The following INSL6 variants were observed in gnomAD, a reference collection of about 807,000 sequenced individuals.
INSL6 encodes the protein insulin-like peptide INSL6.
In INSL6, 16 loss-of-function variants were observed where a neutral mutation model predicts 9.4. The observed-to-expected ratio is 1.70, with a 90% CI of 1.15 to 2.59. The LOEUF is 2.59. Among genes scored for constraint, INSL6 ranks in the 30% most tolerant of loss-of-function variants. The probability of loss-of-function intolerance (pLI) is 0.00; values close to 1 mark genes in which losing one functional copy is unlikely to be tolerated. For synonymous variants in INSL6, 154 were observed against 96.9 expected, an observed-to-expected ratio of 1.59 and a Z score of -3.46; for missense variants, 391 against 257.3, an observed-to-expected ratio of 1.52 and a Z score of -3.56.
chr9:5,053,730 AT>A, the INSL6 span, among the ~76,000 whole-genome samples: 1 of 151,934 alleles, frequency 6.6e-6, no homozygotes, highest in Non-Finnish European at 1.5e-5. Context: ...GAGATTTTAC[AT>A]TTTATACGGG....
chr9:5,020,872 G>A, the INSL6 span, among the ~76,000 whole-genome samples: 1 of 152,250 alleles, frequency 6.6e-6, no homozygotes, highest in Admixed American at 6.5e-5. Context: ...GGGCTCCAGG[G>A]TAGGAGGCAT....
chr9:5,075,240 A>T, the INSL6 span, among the ~76,000 whole-genome samples: 1 of 152,238 alleles, frequency 6.6e-6, no homozygotes, highest in East Asian at 1.9e-4. Context: ...ACAGCAAGTT[A>T]TCCAGAAGAT....
the INSL6 span, among the ~76,000 whole-genome samples, chr9:5,048,302 C>T: frequency 3.2e-4 from 48 of 151,986 alleles, no homozygotes; most frequent in African/African-American, 8.9e-4. Flanking sequence ...CCACTACGCC[C>T]GGCTAATTTT....
chr9:5,077,679 G>C, the INSL6 span: 2 of 694,722 alleles, frequency 2.9e-6, no homozygotes, highest in Non-Finnish European at 4.4e-6. Context: ...TCTGTAATTG[G>C]ATGCCAATTC....
chr9:5,081,360 G>C, the INSL6 span, among the ~76,000 whole-genome samples: 3 of 150,842 alleles, frequency 2.0e-5, no homozygotes, highest in African/African-American at 7.3e-5. Flanking sequence ...TATTTGTTTT[G>C]CTTTGTTCTC....
At chr9:5,005,024 C>T in the INSL6 span, among the ~76,000 whole-genome samples, 1 of 148,082 alleles carries the variant, frequency 6.8e-6, no homozygotes, top group Non-Finnish European at 1.5e-5. Flanking sequence ...GCAAGTGATC[C>T]TCCTCCTTCA....
At chr9:5,012,580 G>A in the INSL6 span, among the ~76,000 whole-genome samples, 2 of 152,016 alleles carry the variant, frequency 1.3e-5, no homozygotes, top group South Asian at 2.1e-4. Context: ...TGGAGATCCC[G>A]AAATTATACC....
chr9:5,150,538 T>C (rs914579010), intron 2 of INSL6, among the ~76,000 whole-genome samples: 3 of 152,152 alleles, frequency 2.0e-5, no homozygotes, highest in Admixed American at 6.5e-5. Flanking sequence ...CATCTTACAC[T>C]AGTCAGAATG....
downstream of INSL6, chr9:5,123,028 G>T: frequency 6.2e-7 from 1 of 1,611,070 alleles, no homozygotes; most frequent in South Asian, 1.1e-5. Flanking sequence ...CACTGACAGA[G>T]AGCAAGTTTT....
chr9:5,033,278 C>T, the INSL6 span, among the ~76,000 whole-genome samples: 1 of 151,606 alleles, frequency 6.6e-6, no homozygotes, highest in African/African-American at 2.4e-5. Flanking sequence ...CATTGGTGTA[C>T]CTGATGGGGA....
chr9:5,136,601 G>A (rs1164456900), intron 2 of INSL6, among the ~76,000 whole-genome samples: 1 of 152,136 alleles, frequency 6.6e-6, no homozygotes, highest in South Asian at 2.1e-4. Context: ...CAATAAACTA[G>A]GTACTGATGG....
chr9:5,112,769 G>A, the INSL6 span: 18 of 601,274 alleles, frequency 3.0e-5, 1 homozygote, highest in Admixed American at 2.2e-4. Flanking sequence ...GGTGTCGCGC[G>A]TGTTCGGAGG....
At chr9:5,111,645 C>T in the INSL6 span, 5 of 387,824 alleles carry the variant, frequency 1.3e-5, no homozygotes, top group Non-Finnish European at 5.0e-6. Context: ...GGCTCATGCC[C>T]CTCGTCCCTC....
At chr9:5,085,985 C>T in the INSL6 span, 8 of 971,042 alleles carry the variant, frequency 8.2e-6, no homozygotes, top group East Asian at 2.4e-5. Flanking sequence ...TTTTGCTGTA[C>T]GGGGTTGTGT....
the INSL6 span, among the ~76,000 whole-genome samples, chr9:5,022,783 C>A: frequency 2.0e-5 from 3 of 152,150 alleles, no homozygotes; most frequent in Admixed American, 6.5e-5. Flanking sequence ...TTTTACTAGA[C>A]CACTGAGGTT....
chr9:5,091,870 T>G, the INSL6 span, among the ~76,000 whole-genome samples: 1 of 152,104 alleles, frequency 6.6e-6, no homozygotes, highest in Non-Finnish European at 1.5e-5. Context: ...TAAGCTCTAT[T>G]GCTAGTAAGA....
At chr9:5,029,995 AC>A in the INSL6 span, 1 of 1,134,412 alleles carries the variant, frequency 8.8e-7, no homozygotes, top group South Asian at 1.6e-5. Context: ...GGTACTTAAT[AC>A]CAGATACCTG....
At chr9:5,100,661 T>C in the INSL6 span, 1 of 152,194 alleles carries the variant, frequency 6.6e-6, no homozygotes, top group African/African-American at 2.4e-5. Flanking sequence ...CATCAGGAGT[T>C]TCAGTTACTT....
chr9:5,026,175 TA>T, the INSL6 span, among the ~76,000 whole-genome samples: 1 of 152,238 alleles, frequency 6.6e-6, no homozygotes, highest in Non-Finnish European at 1.5e-5. Context: ...CATTTGCTCT[TA>T]TTTTCTAATA....
Sources: allele counts gnomAD v4.1 joint callset (sites outside exome capture counted in the v4.1 genomes callset), GRCh38; gene constraint gnomAD v4.1.1; transcripts MANE v1.5; gene names NCBI Gene and HGNC (gene_info 2026-07-23, HGNC 2026-07-21).